PTPRT: variants seen among roughly 807,000 people sequenced by gnomAD.
The protein encoded by PTPRT is receptor-type tyrosine-protein phosphatase T.
In PTPRT, 56 loss-of-function variants were observed where a neutral mutation model predicts 176.8. The ratio of observed to expected loss-of-function variants is 0.32; its 90% CI spans 0.26 to 0.40. The LOEUF (loss-of-function observed/expected upper bound fraction) is 0.40, where lower values mean the gene tolerates loss of function less well. Ranked by LOEUF, PTPRT falls within the 10% of genes least tolerant of loss-of-function variation. The probability of loss-of-function intolerance (pLI) is 1.00; values close to 1 mark genes in which losing one functional copy is unlikely to be tolerated. For missense variants in PTPRT, 1,540 were observed against 1,908.2 expected (o/e 0.81, Z 3.60); for synonymous variants, 783 against 739.0 (o/e 1.06, Z -0.96).
At chr20:42,777,010 C>T (rs2077147087) in intron 4 of PTPRT, among the ~76,000 whole-genome samples, 1 of 152,118 alleles carries the variant, frequency 6.6e-6, no homozygotes, top group African/African-American at 2.4e-5. Flanking sequence ...TGACATGGAG[C>T]TCACGCTCAG....
At chr20:42,178,409 T>A (rs1006168324) in intron 16 of PTPRT, among the ~76,000 whole-genome samples, 19 of 152,200 alleles carry the variant, frequency 1.2e-4, no homozygotes, top group African/African-American at 4.6e-4. Flanking sequence ...CAATGAGAGG[T>A]CTGGACTGTA....
At chr20:42,706,560 T>TA (rs2076062893) in intron 6 of PTPRT, among the ~76,000 whole-genome samples, 1 of 152,164 alleles carries the variant, frequency 6.6e-6, no homozygotes, top group Non-Finnish European at 1.5e-5. Flanking sequence ...TATGGGCACA[T>TA]AGGCATCTCA....
chr20:43,044,731 G>A (rs892272138), intron 1 of PTPRT, among the ~76,000 whole-genome samples: 1 of 152,192 alleles, frequency 6.6e-6, no homozygotes, highest in African/African-American at 2.4e-5. Context: ...CTCAGCACAG[G>A]GTTCTTCTCA....
intron 7 of PTPRT, among the ~76,000 whole-genome samples, chr20:42,485,309 AT>A (rs879528933): frequency 6.6e-6 from 1 of 152,196 alleles, no homozygotes; most frequent in East Asian, 1.9e-4. Context: ...ATTTAAAGAA[AT>A]TAAAGGAAAA....
intron 15 of PTPRT, among the ~76,000 whole-genome samples, chr20:42,232,292 A>T (rs926084314): frequency 6.6e-5 from 10 of 152,226 alleles, no homozygotes; most frequent in Non-Finnish European, 1.3e-4. Context: ...CCTGATACCT[A>T]TGAGGAGGGT....
chr20:42,666,734 C>T lies in PTPRT; in HGVS notation c.1153+11132G>A, dbSNP rs1353604465. On this transcript the variant is annotated intron_variant, in intron 7 of 30. Coordinates refer to ENST00000373187, the MANE Select transcript of PTPRT (RefSeq NM_007050.6). ...AGGTGTTTGTATTTTCATATACATG[C>T]TGCACAATTCTTAGCTTACACTTAA... Among the ~76,000 whole-genome samples the T allele has an allele frequency of 3.3e-5, 5 of 152,122 alleles. No individual in the cohort carries two copies. The East Asian group carries it at 7.7e-4, about 23-fold the overall frequency.
chr20:42,418,556 G>A (rs976098939), intron 9 of PTPRT, among the ~76,000 whole-genome samples: 1 of 152,220 alleles, frequency 6.6e-6, no homozygotes, highest in Non-Finnish European at 1.5e-5. Flanking sequence ...CATTAAATGT[G>A]TGGTTTATGG....
chr20:42,826,945 A>T (rs1035269802), intron 2 of PTPRT, among the ~76,000 whole-genome samples: 3 of 152,208 alleles, frequency 2.0e-5, no homozygotes, highest in African/African-American at 7.2e-5. Context: ...CCAGCCAAAG[A>T]TCAAAAAAGA....
chr20:42,039,465 C>T, the PTPRT span, among the ~76,000 whole-genome samples: 6 of 151,988 alleles, frequency 3.9e-5, no homozygotes, highest in Non-Finnish European at 8.8e-5. Context: ...TGACCTTTGA[C>T]TGACATCTCC....
intron 1 of PTPRT, among the ~76,000 whole-genome samples, chr20:43,097,150 G>A (rs2012205143): frequency 6.6e-6 from 1 of 152,176 alleles, no homozygotes; most frequent in South Asian, 2.1e-4. Context: ...TCCAAGCAAT[G>A]CACAGTAAGG....
At chr20:43,103,055 G>A (rs1296917119) in intron 1 of PTPRT, among the ~76,000 whole-genome samples, 12 of 152,138 alleles carry the variant, frequency 7.9e-5, no homozygotes. Flanking sequence ...AGGCTTCCAT[G>A]ACCAGGAAGC....
At chr20:42,089,756 G>C (rs1126102) in intron 27 of PTPRT, among the ~76,000 whole-genome samples, 86,650 of 151,982 alleles carry the variant, frequency 0.57, 25,289 homozygotes, top group Middle Eastern at 0.69. Context: ...TGAGCTGCCA[G>C]GGATCATCAG....
intron 1 of PTPRT, among the ~76,000 whole-genome samples, chr20:43,029,489 G>A (rs1225043177): frequency 2.0e-5 from 3 of 152,178 alleles, no homozygotes; most frequent in Non-Finnish European, 4.4e-5. Flanking sequence ...TACCTTCAAT[G>A]GCCATGCATC....
chr20:42,822,641 C>T (rs2077916334), intron 2 of PTPRT, among the ~76,000 whole-genome samples: 1 of 152,058 alleles, frequency 6.6e-6, no homozygotes, highest in Admixed American at 6.6e-5. Flanking sequence ...AAAATTTTTG[C>T]AATCTACCCA....
chr20:42,696,486 C>T (rs183496029), intron 6 of PTPRT, among the ~76,000 whole-genome samples: 9 of 145,574 alleles, frequency 6.2e-5, no homozygotes, highest in Admixed American at 1.4e-4. Context: ...GACAGAGCCT[C>T]GCTCTGTCGC....
At chr20:43,017,577 T>C (rs974499369) in intron 1 of PTPRT, among the ~76,000 whole-genome samples, 4 of 152,066 alleles carry the variant, frequency 2.6e-5, no homozygotes, top group Non-Finnish European at 5.9e-5. Context: ...TCCCCACCTC[T>C]CCTCACTTGC....
chr20:42,199,304 G>T lies in PTPRT; in HGVS notation c.2427C>A (p.Thr809=), dbSNP rs1278904024. The T allele has an allele frequency of 3.0e-5, 48 of 1,614,092 alleles. No homozygotes were observed. Among genetic ancestry groups the T allele is most frequent in the Non-Finnish European group, 4.1e-5 (48 of 1,180,036 alleles). Residue 809 remains threonine, a synonymous_variant, in exon 16 of 31, where the codon ACC becomes ACA. Coordinates refer to ENST00000373187, the MANE Select transcript of PTPRT (RefSeq NM_007050.6). The part of the protein sequence containing the change: ...GPVASADKPT[T]KLSASRNDEG... ...CATCATTGCGGCTGGCGCTGAGCTT[G>T]GTGGTGGGTTTGTCGGCAGAGGCCA... is the stretch of plus-strand genomic sequence containing the variant.
In PTPRT at chr20:42,172,601, A is replaced by G. The variant is rs558861784; in HGVS notation, c.2492-11059T>C. Among the ~76,000 whole-genome samples, 182 of 152,360 alleles carry G rather than the reference A, an allele frequency of 1.2e-3. 1 individual carries two copies. The highest frequency in any genetic ancestry group is 4.3e-3 in the African/African-American group (177 of 41,588). On this transcript the variant is annotated intron_variant, in intron 16 of 30. Transcript: ENST00000373187. ...GTAAGAAATAACATAAACGGGTCTT[A>G]AATACCCTTCACCCAGTTTTCCCCA...
intron 17 of PTPRT, among the ~76,000 whole-genome samples, chr20:42,161,103 AG>A (rs1221999439): frequency 6.6e-6 from 1 of 152,176 alleles, no homozygotes; most frequent in Non-Finnish European, 1.5e-5. Context: ...AGAGTGAAAA[AG>A]GATGTCTTAG....
Sources: allele counts gnomAD v4.1 joint callset (sites outside exome capture counted in the v4.1 genomes callset), GRCh38; gene constraint gnomAD v4.1.1; transcripts MANE v1.5; gene names NCBI Gene and HGNC (gene_info 2026-07-23, HGNC 2026-07-21).